PTPRG: variants seen among roughly 807,000 people sequenced by gnomAD.
The protein encoded by PTPRG is protein tyrosine phosphatase receptor type G.
Under a neutral mutation model 165.3 loss-of-function variants are expected in PTPRG, and 102 were observed. The observed-to-expected ratio is 0.62, with a 90% CI of 0.53 to 0.73. The LOEUF (loss-of-function observed/expected upper bound fraction) is 0.73, where lower values mean the gene tolerates loss of function less well. PTPRG is among the 30% of genes least tolerant of loss of function. The pLI is 0.00. For synonymous variants in PTPRG, 675 were observed against 669.5 expected, an observed-to-expected ratio of 1.01 and a Z score of -0.13; for missense variants, 1,866 against 1,861.4, an observed-to-expected ratio of 1.00 and a Z score of -0.05.
intron 1 of PTPRG, among the ~76,000 whole-genome samples, chr3:61,564,122 C>G (rs995770504): frequency 6.6e-6 from 1 of 152,190 alleles, no homozygotes; most frequent in Non-Finnish European, 1.5e-5. Context: ...GGGGACATCT[C>G]CCCTTAGAAA....
chr3:61,703,556 C>T (rs1046646554), intron 1 of PTPRG, among the ~76,000 whole-genome samples: 1 of 152,108 alleles, frequency 6.6e-6, no homozygotes, highest in Non-Finnish European at 1.5e-5. Context: ...TTTCATGCTC[C>T]CTTGGTGCTA....
At chr3:62,016,088 C>T (rs1206511815) in intron 4 of PTPRG, among the ~76,000 whole-genome samples, 1 of 151,798 alleles carries the variant, frequency 6.6e-6, no homozygotes, top group African/African-American at 2.4e-5. Flanking sequence ...TAGTATAAAC[C>T]CCCTCCTCAT....
Position 62,210,867 on chromosome 3 carries a change from A to G in PTPRG, c.2155+6917A>G, listed in dbSNP as rs901850517. Among the ~76,000 whole-genome samples the G allele has an allele frequency of 9.8e-5, 15 of 152,290 alleles. No individual in the cohort carries two copies. The highest frequency in any genetic ancestry group is 3.6e-4 in the African/African-American group (15 of 41,520). On this transcript the variant is annotated intron_variant, in intron 12 of 29. Transcript: ENST00000474889. The surrounding 1 kb of genome is among the most constrained non-coding windows in gnomAD (Gnocchi z 4.1). ...AATAATATACAAATATGTGTTAACT[A>G]TTTATGTTATTGGTGAGGCTTCCGG...
At chr3:61,996,737 A>G (rs917160080) in intron 3 of PTPRG, among the ~76,000 whole-genome samples, 1 of 152,176 alleles carries the variant, frequency 6.6e-6, no homozygotes, top group African/African-American at 2.4e-5. Context: ...TTCCTGTTTC[A>G]AAGGCCCACA....
At chr3:61,665,239 T>TA (rs1202990970) in intron 1 of PTPRG, among the ~76,000 whole-genome samples, 1 of 152,182 alleles carries the variant, frequency 6.6e-6, no homozygotes, top group Non-Finnish European at 1.5e-5. Context: ...AGCTAAGAAA[T>TA]ACATTGCTGG....
intron 2 of PTPRG, among the ~76,000 whole-genome samples, chr3:61,795,497 G>A (rs993400372): frequency 3.3e-5 from 5 of 151,532 alleles, no homozygotes; most frequent in South Asian, 2.1e-4. Flanking sequence ...AAAATTAGCC[G>A]GGCATGGTGG....
At chr3:62,026,492 G>A (rs1373270619) in intron 4 of PTPRG, among the ~76,000 whole-genome samples, 8 of 152,148 alleles carry the variant, frequency 5.3e-5, no homozygotes, top group Non-Finnish European at 8.8e-5. Flanking sequence ...TTTGAACCCA[G>A]ACACGTGTGC....
At chr3:62,163,591 A>C (rs1559588589) in intron 7 of PTPRG, among the ~76,000 whole-genome samples, 1 of 152,248 alleles carries the variant, frequency 6.6e-6, no homozygotes, top group Non-Finnish European at 1.5e-5. Flanking sequence ...GATAAATATA[A>C]GGGGGATAAG....
intron 1 of PTPRG, among the ~76,000 whole-genome samples, chr3:61,576,237 A>G (rs1471191413): frequency 1.3e-5 from 2 of 152,208 alleles, no homozygotes; most frequent in Admixed American, 1.3e-4. Context: ...GATGGCTTTT[A>G]GGATTTAATT....
chr3:61,657,385 G>A (rs1702536175), intron 1 of PTPRG, among the ~76,000 whole-genome samples: 1 of 152,096 alleles, frequency 6.6e-6, no homozygotes, highest in Non-Finnish European at 1.5e-5. Flanking sequence ...TCCTGCTTTT[G>A]ATGTTCTCCC....
chr3:62,205,167 T>C (rs180830129), intron 12 of PTPRG, among the ~76,000 whole-genome samples: 36 of 152,146 alleles, frequency 2.4e-4, no homozygotes, highest in Non-Finnish European at 4.3e-4. Flanking sequence ...TTTTTTGAAG[T>C]GGGGGTCTCC....
intron 1 of PTPRG, among the ~76,000 whole-genome samples, chr3:61,575,484 TTGGTTTTCTTA>T: frequency 6.6e-6 from 1 of 152,310 alleles, no homozygotes; most frequent in East Asian, 1.9e-4. Context: ...CTTAACTTTA[TTGGTTTTCTTA>T]CCTTTAAAAT....
intron 4 of PTPRG, among the ~76,000 whole-genome samples, chr3:62,072,607 A>ATATGTG (rs1182951620): frequency 7.0e-6 from 1 of 142,776 alleles, no homozygotes; most frequent in Non-Finnish European, 1.5e-5. Flanking sequence ...TTGAGAATAT[A>ATATGTG]TATGTGTATG....
intron 2 of PTPRG, among the ~76,000 whole-genome samples, chr3:61,973,727 G>A (rs1270852655): frequency 6.6e-6 from 1 of 152,096 alleles, no homozygotes; most frequent in Non-Finnish European, 1.5e-5. Context: ...AGCTACTCGG[G>A]AGGTTGAGGC....
intron 12 of PTPRG, among the ~76,000 whole-genome samples, chr3:62,206,541 CAAT>C (rs1700234401): frequency 6.6e-6 from 1 of 152,158 alleles, no homozygotes; most frequent in African/African-American, 2.4e-5. Context: ...AGGTGCCACA[CAAT>C]GATGGTGACT....
At chr3:61,951,292 A>G in intron 2 of PTPRG, among the ~76,000 whole-genome samples, 1 of 152,204 alleles carries the variant, frequency 6.6e-6, no homozygotes, top group Non-Finnish European at 1.5e-5. Flanking sequence ...AGAAAGTGTG[A>G]TGTCCTAATG....
At chr3:61,971,017 G>A (rs1179794775) in intron 2 of PTPRG, among the ~76,000 whole-genome samples, 1 of 152,106 alleles carries the variant, frequency 6.6e-6, no homozygotes, top group African/African-American at 2.4e-5. Flanking sequence ...GCCCCAGTGT[G>A]GTTTGAATAT....
chr3:61,636,142 A>C (rs1701902062), intron 1 of PTPRG, among the ~76,000 whole-genome samples: 1 of 152,220 alleles, frequency 6.6e-6, no homozygotes, highest in South Asian at 2.1e-4. Flanking sequence ...GAAAACACAC[A>C]GACAACTAAA....
chr3:62,073,440 C>T (rs1364616034), intron 4 of PTPRG, among the ~76,000 whole-genome samples: 1 of 152,146 alleles, frequency 6.6e-6, no homozygotes, highest in Non-Finnish European at 1.5e-5. Flanking sequence ...CGGGATAAAC[C>T]CGCATAAATG....
Sources: gnomAD v4.1 joint callset for allele counts (sites outside exome capture counted in the v4.1 genomes callset) on GRCh38, gnomAD v4.1.1 for gene constraint, Gnocchi (gnomAD v3.1) non-coding constraint, MANE v1.5 for transcripts, NCBI Gene and HGNC (gene_info 2026-07-23, HGNC 2026-07-21) for gene names.